FRMPD2: variants seen among roughly 807,000 people sequenced by gnomAD.
FRMPD2 encodes the protein FERM and PDZ domain-containing protein 2.
Under a neutral mutation model 140.1 loss-of-function variants are expected in FRMPD2, and 96 were observed. That is an observed-to-expected ratio of 0.69 (90% CI 0.58 to 0.81). The LOEUF (loss-of-function observed/expected upper bound fraction) is 0.81. Ranked by LOEUF, FRMPD2 falls within the 40% of genes least tolerant of loss-of-function variation. The probability of loss-of-function intolerance (pLI) is 0.00; values close to 1 mark genes in which losing one functional copy is unlikely to be tolerated. For synonymous variants in FRMPD2, 449 were observed against 547.6 expected, an observed-to-expected ratio of 0.82 and a Z score of 2.52; for missense variants, 1,240 against 1,447.4, an observed-to-expected ratio of 0.86 and a Z score of 2.32.
At chr10:48,190,879 G>T (rs750040719) in intron 16 of FRMPD2, among the ~76,000 whole-genome samples, 5 of 152,208 alleles carry the variant, frequency 3.3e-5, no homozygotes, top group African/African-American at 1.2e-4. Context: ...AGGATGCTTT[G>T]CGGGCAACAC....
intron 14 of FRMPD2, among the ~76,000 whole-genome samples, chr10:48,205,506 A>G (rs1318810944): frequency 6.6e-6 from 1 of 152,236 alleles, no homozygotes; most frequent in Non-Finnish European, 1.5e-5. Context: ...GAAATAGTGC[A>G]TTGAAAAATC....
intron 12 of FRMPD2, among the ~76,000 whole-genome samples, chr10:48,214,489 T>C (rs1839401950): frequency 6.6e-6 from 1 of 152,166 alleles, no homozygotes; most frequent in Non-Finnish European, 1.5e-5. Context: ...TGGTGCAGGA[T>C]TTTTATGGTG....
rs1424237854 is a variant in FRMPD2 at position 48,227,561 on chromosome 10, A to C, written c.1169-4291T>G. Reference sequence around the variant, plus strand: ...AGAGATGTTGGATCTCGAGGGGGGTACTGCATTTTTCACGCTCTTTTTGTG... The same window carrying C: ...AGAGATGTTGGATCTCGAGGGGGGTCCTGCATTTTTCACGCTCTTTTTGTG... On this transcript the variant is annotated intron_variant, in intron 10 of 28. Transcript: ENST00000374201. 2.0e-5 allele frequency among the ~76,000 whole-genome samples: 3 copies of C among 152,294 alleles called. No homozygotes were observed. In the East Asian group the frequency reaches 5.8e-4, roughly 29 times the overall value.
intron 12 of FRMPD2, among the ~76,000 whole-genome samples, chr10:48,219,078 G>A (rs1282912228): frequency 6.6e-6 from 1 of 152,076 alleles, no homozygotes; most frequent in African/African-American, 2.4e-5. Flanking sequence ...GACCTTGAAA[G>A]GTATATAAGG....
intron 22 of FRMPD2, chr10:48,177,759 G>A (rs1382008795): frequency 4.0e-6 from 1 of 250,840 alleles, no homozygotes; most frequent in Admixed American, 4.2e-5. Context: ...TCTCTCTGCA[G>A]TCCAGCTTGA....
intron 9 of FRMPD2, among the ~76,000 whole-genome samples, chr10:48,235,445 T>C (rs1654083439): frequency 6.6e-6 from 1 of 152,182 alleles, no homozygotes; most frequent in Non-Finnish European, 1.5e-5. Flanking sequence ...ATGATGTCAG[T>C]GCACTGCAAC....
intron 14 of FRMPD2, among the ~76,000 whole-genome samples, chr10:48,203,486 G>A (rs555885496): frequency 5.3e-5 from 8 of 152,280 alleles, no homozygotes; most frequent in African/African-American, 1.9e-4. Flanking sequence ...GAAACATTAG[G>A]TTGGTGCAAT....
At chr10:48,246,375 C>G (rs1381929262) in intron 3 of FRMPD2, among the ~76,000 whole-genome samples, 2 of 152,198 alleles carry the variant, frequency 1.3e-5, no homozygotes, top group Admixed American at 1.3e-4. Context: ...AGGGCAAGGC[C>G]TTGGCCACAG....
intron 1 of FRMPD2, among the ~76,000 whole-genome samples, chr10:48,259,741 C>T (rs1840547762): frequency 6.6e-6 from 1 of 151,632 alleles, no homozygotes; most frequent in South Asian, 2.1e-4. Context: ...ACTCACTATT[C>T]ATAGACTTAT....
At chr10:48,246,002 G>C (rs924092324) in intron 3 of FRMPD2, among the ~76,000 whole-genome samples, 2 of 152,150 alleles carry the variant, frequency 1.3e-5, no homozygotes, top group African/African-American at 4.8e-5. Flanking sequence ...CAACTCATTA[G>C]CTCTCATCTT....
At chr10:48,239,197 A>G (rs1588848293) in intron 7 of FRMPD2, among the ~76,000 whole-genome samples, 1 of 152,246 alleles carries the variant, frequency 6.6e-6, no homozygotes, top group African/African-American at 2.4e-5. Flanking sequence ...AGAGTCTAGA[A>G]GACCTCCCAG....
chr10:48,245,367 C>T (rs949254986), intron 3 of FRMPD2, among the ~76,000 whole-genome samples: 2 of 152,196 alleles, frequency 1.3e-5, no homozygotes, highest in Non-Finnish European at 2.9e-5. Context: ...TTGGCCCTGG[C>T]CATTGTATTT....
At chr10:48,189,716 G>T (rs1838784825) in intron 16 of FRMPD2, among the ~76,000 whole-genome samples, 1 of 152,160 alleles carries the variant, frequency 6.6e-6, no homozygotes, top group African/African-American at 2.4e-5. Context: ...CTTGCTCATG[G>T]CATTCCTTCT....
chr10:48,255,587 G>A (rs1382296195), intron 1 of FRMPD2, among the ~76,000 whole-genome samples: 1 of 152,222 alleles, frequency 6.6e-6, no homozygotes, highest in African/African-American at 2.4e-5. Context: ...GAGAGTCATG[G>A]GGATGGGCAG....
chr10:48,261,922 T>C (rs942791380), intron 1 of FRMPD2, among the ~76,000 whole-genome samples: 23 of 152,280 alleles, frequency 1.5e-4, no homozygotes, highest in African/African-American at 5.1e-4. Context: ...AAATGTATAC[T>C]GCAAACTCTA....
chr10:48,254,129 G>A (rs1840444073), intron 1 of FRMPD2, among the ~76,000 whole-genome samples: 1 of 151,934 alleles, frequency 6.6e-6, no homozygotes, highest in Non-Finnish European at 1.5e-5. Context: ...AAGGAAATGT[G>A]TGCATTCCAG....
chr10:48,200,832 T>G (rs1420052398), intron 15 of FRMPD2, among the ~76,000 whole-genome samples: 1 of 152,242 alleles, frequency 6.6e-6, no homozygotes, highest in Non-Finnish European at 1.5e-5. Context: ...GATACTTAGA[T>G]TGCTTTCAAA....
chr10:48,207,459 T>C (rs1393527601), intron 13 of FRMPD2, among the ~76,000 whole-genome samples: 1 of 152,268 alleles, frequency 6.6e-6, no homozygotes. Context: ...ATTTTGGTGC[T>C]CCTCACCATG....
rs34856884 is a variant in FRMPD2, at chr10:48,250,795, CTT to C, written c.151+769_151+770del. ...TGTTTAGAACACAGAGTAGGTCTGC[CTT>C]TTTTTTTTTTTTTTTTTTGAGATGA... On this transcript the variant is annotated intron_variant, in intron 2 of 28. Coordinates refer to ENST00000374201, the MANE Select transcript of FRMPD2 (RefSeq NM_001018071.4). Among the ~76,000 whole-genome samples the C allele has an allele frequency of 9.9e-4, 116 of 117,084 alleles. 1 individual carries two copies. The highest frequency in any genetic ancestry group is 4.8e-3 in the Middle Eastern group (1 of 208). 76.8% of individuals were successfully genotyped at this position (117,084 alleles called of 152,430 possible).
Sources: gnomAD v4.1 joint callset for allele counts (sites outside exome capture counted in the v4.1 genomes callset) on GRCh38, gnomAD v4.1.1 for gene constraint, MANE v1.5 for transcripts, NCBI Gene and HGNC (gene_info 2026-07-23, HGNC 2026-07-21) for gene names.